Variants in ATP5F1B observed in about 807,000 individuals in gnomAD.
ATP5F1B encodes the protein ATP synthase F1 subunit beta, also known as ATP synthase F(1) complex subunit beta, mitochondrial.
Under a neutral mutation model 45.9 loss-of-function variants are expected in ATP5F1B, and 17 were observed. The ratio of observed to expected loss-of-function variants is 0.37; its 90% CI spans 0.25 to 0.56. The LOEUF (loss-of-function observed/expected upper bound fraction) is 0.56, where lower values mean the gene tolerates loss of function less well. Ranked by LOEUF, ATP5F1B falls within the 20% of genes least tolerant of loss-of-function variation. The pLI is 0.80. For synonymous variants in ATP5F1B, 218 were observed against 256.5 expected (o/e 0.85, Z 1.43); for missense variants, 387 against 673.2 (o/e 0.57, Z 4.70).
intron 8 of ATP5F1B, 176 bp from the exon 9 acceptor site, chr12:56,639,483 A>C (rs879262202): frequency 1.1e-5 from 7 of 659,036 alleles, no homozygotes; most frequent in Admixed American, 5.6e-5. Context: ...TTAGAAAAAT[A>C]TTGCATTCCG....
chr12:56,644,629 C>A, intron 3 of ATP5F1B, 152 bp downstream of exon 3: 3 of 828,810 alleles, frequency 3.6e-6, no homozygotes, highest in Non-Finnish European at 5.3e-6. Context: ...AATTCTGCAT[C>A]CTAATTTCTT....
chr12:56,640,546 T>C (rs1315334829), intron 7 of ATP5F1B, among the ~76,000 whole-genome samples: 2 of 152,018 alleles, frequency 1.3e-5, no homozygotes, highest in African/African-American at 4.8e-5. Context: ...TAATTTTACT[T>C]AAGCCATCCC....
intron 9 of ATP5F1B, 72 bp from the exon 10 acceptor site, chr12:56,638,495 T>C: frequency 8.9e-7 from 1 of 1,129,730 alleles, no homozygotes; most frequent in South Asian, 1.3e-5. Context: ...CATGTAACAT[T>C]CCTCACCACT....
At chr12:56,643,201 A>T (rs1431036988) in intron 5 of ATP5F1B, 1 of 514,398 alleles carries the variant, frequency 1.9e-6, no homozygotes, top group Non-Finnish European at 3.3e-6. Flanking sequence ...CAAAGAGGAA[A>T]GAAAATGTCC....
At chr12:56,642,422 T>A in intron 7 of ATP5F1B, 36 bp downstream of exon 7, 2 of 1,611,984 alleles carry the variant, frequency 1.2e-6, no homozygotes, top group South Asian at 2.2e-5. Flanking sequence ...CCTGCCTTTA[T>A]ACAAATCAGA....
Position 56,644,934 on chromosome 12 carries a change from A to G in ATP5F1B, c.332T>C (p.Ile111Thr), listed in dbSNP as rs1951538930. Residue 111 changes from isoleucine to threonine, a missense_variant, in exon 3 of 10, where the codon ATT becomes ACT. This residue lies in a region of ATP5F1B where 113 missense variants were observed against 168.0 expected (regional missense o/e 0.67). Transcript: ENST00000262030. ...CAAGCCTTCTGTACCATCCATAGCA[A>G]TAGTCCTTACTGTGCTCTCACCTGT... Reference protein sequence around the residue: ...QHLGESTVRTIAMDGTEGLVR... With the variant: ...QHLGESTVRTTAMDGTEGLVR... 2.5e-6 allele frequency: 4 copies of G among 1,614,178 alleles called. No individual in the cohort carries two copies. Among genetic ancestry groups the G allele is most frequent in the Non-Finnish European group, 3.4e-6 (4 of 1,180,010 alleles).
intron 5 of ATP5F1B, 83 bp from the exon 6 acceptor site, chr12:56,642,914 C>G (rs1338977556): frequency 3.4e-6 from 5 of 1,457,878 alleles, no homozygotes; most frequent in Non-Finnish European, 4.7e-6. Flanking sequence ...GGAGAAACGA[C>G]CACAGATCCT....
Position 56,643,556 on chromosome 12 carries a change from A to G in ATP5F1B, c.639T>C (p.Thr213=), listed in dbSNP as rs1475082801. ...GLFGGAGVGK[T]VLIMELINNV... ...TGTTGATTAACTCCATGATCAGTAC[A>G]GTCTTGCCAACTCCAGCACCACCAA... Residue 213 remains threonine (T), a synonymous_variant, in exon 5 of 10, where the codon ACT becomes ACC. Transcript: ENST00000262030. The G allele has an allele frequency of 6.2e-7, 1 of 1,614,208 alleles. No individual in the cohort carries two copies. Among genetic ancestry groups the G allele is most frequent in the Admixed American group, 1.7e-5 (1 of 60,008 alleles).
chr12:56,641,174 G>A (rs1951509403), intron 7 of ATP5F1B, among the ~76,000 whole-genome samples: 1 of 152,068 alleles, frequency 6.6e-6, no homozygotes, highest in African/African-American at 2.4e-5. Flanking sequence ...AGACCAGCCT[G>A]ACTAACATGG....
intron 7 of ATP5F1B, among the ~76,000 whole-genome samples, chr12:56,641,316 C>T (rs1343415349): frequency 2.7e-5 from 4 of 149,910 alleles, no homozygotes; most frequent in African/African-American, 9.8e-5. Context: ...GAGCCCAGAT[C>T]GCACCCATTG....
chr12:56,643,018 G>T, intron 5 of ATP5F1B, 187 bp from the exon 6 acceptor site: 1 of 627,956 alleles, frequency 1.6e-6, no homozygotes, highest in Non-Finnish European at 2.7e-6. Flanking sequence ...TATTAGTAAG[G>T]CAAAACTATA....
chr12:56,645,391 G>C, intron 1 of ATP5F1B, 38 bp from the exon 2 acceptor site: 1 of 1,590,786 alleles, frequency 6.3e-7, no homozygotes, highest in South Asian at 1.1e-5. Context: ...CTGGGGTCAG[G>C]CCAGTTAAAG....
chr12:56,642,308 T>C, intron 7 of ATP5F1B, 150 bp downstream of exon 7: 1 of 1,161,656 alleles, frequency 8.6e-7, no homozygotes, highest in South Asian at 1.5e-5. Context: ...GTCAGTTTTA[T>C]ACATCTCTCT....
intron 3 of ATP5F1B, 73 bp from the exon 4 acceptor site, chr12:56,644,031 C>T (rs1241370178): frequency 5.2e-6 from 8 of 1,541,788 alleles, no homozygotes; most frequent in Non-Finnish European, 5.3e-6. Context: ...ATATCCCTCC[C>T]TATCAACTCT....
In ATP5F1B at chr12:56,642,801, G is replaced by A. The variant is rs1284724122; in HGVS notation, c.823C>T (p.Pro275Ser). The A allele has an allele frequency of 6.2e-7, 1 of 1,614,014 alleles. No homozygotes were observed. Among genetic ancestry groups the A allele is most frequent in the Non-Finnish European group, 8.5e-7 (1 of 1,180,022 alleles). ...VALVYGQMNE[P>S]PGARARVALT... ...GCTACCCGGGCACGAGCACCAGGTG[G>A]TTCATTCATTTGACCATATACCAGC... Residue 275 changes from proline (P) to serine (S), a missense_variant, in exon 6 of 10, where the codon CCA becomes TCA. Pro to Ser is a moderately conservative substitution (Grantham distance 74, BLOSUM62 -1). Around this residue, in one of 6 missense-constraint regions of ATP5F1B, gnomAD observed 154 missense variants for 361.4 expected, o/e 0.43. Coordinates refer to ENST00000262030, the MANE Select transcript of ATP5F1B (RefSeq NM_001686.4).
At chr12:56,643,197 G>A in intron 5 of ATP5F1B, 1 of 509,588 alleles carries the variant, frequency 2.0e-6, no homozygotes, top group East Asian at 3.1e-5. Flanking sequence ...GTATCAAAGA[G>A]GAAAGAAAAT....
chr12:56,643,231 G>C (rs537373087), intron 5 of ATP5F1B, 172 bp downstream of exon 5: 7 of 542,230 alleles, frequency 1.3e-5, no homozygotes, highest in South Asian at 7.3e-5. Flanking sequence ...TTGGAAGTTG[G>C]GGGGGAAAAC....
chr12:56,639,544 T>A, intron 8 of ATP5F1B: 1 of 510,538 alleles, frequency 2.0e-6, no homozygotes, highest in Non-Finnish European at 3.5e-6. Flanking sequence ...GAGGCCACGG[T>A]GGGTGGATCA....
chr12:56,644,803 T>C lies in ATP5F1B; in HGVS notation c.463A>G (p.Arg155Gly). 1 of 1,613,736 alleles carries C rather than the reference T, an allele frequency of 6.2e-7. No individual in the cohort carries two copies. ...TACTGTTTGGTTTTGATGGGACCTC[T>C]TTCATCAATAGGTTCTCCAATGACA... ...MNVIGEPIDE[R>G]GPIKTKQFAP... The change falls in exon 3 of 10, where the codon AGA becomes GGA. Residue 155 changes from arginine to glycine, a missense_variant. Physicochemically the swap from Arg to Gly is moderately radical, Grantham distance 125. Coordinates refer to ENST00000262030, the MANE Select transcript of ATP5F1B (RefSeq NM_001686.4).
Sources: allele counts gnomAD v4.1 joint callset (sites outside exome capture counted in the v4.1 genomes callset), GRCh38; gene constraint gnomAD v4.1.1; regional missense constraint gnomAD v4.1.1; transcripts MANE v1.5; gene names NCBI Gene and HGNC (gene_info 2026-07-23, HGNC 2026-07-21).